ANK3: variants seen among roughly 807,000 people sequenced by gnomAD.
ANK3 encodes ankyrin 3.
ANK3 carries 57 observed loss-of-function variants against 370.9 expected under a neutral mutation model. The observed-to-expected ratio is 0.15, with a 90% CI of 0.12 to 0.19. The LOEUF (loss-of-function observed/expected upper bound fraction) is 0.19. Among genes scored for constraint, ANK3 ranks in the 10% least tolerant of loss-of-function variants. ANK3 has a pLI of 1.00. For synonymous variants in ANK3, 1,929 were observed against 1,946.3 expected (o/e 0.99, Z 0.23); for missense variants, 4,439 against 5,302.1 (o/e 0.84, Z 5.06).
chr10:60,709,021 G>A (rs996602572), intron 1 of ANK3, among the ~76,000 whole-genome samples: 27 of 151,978 alleles, frequency 1.8e-4, no homozygotes, highest in African/African-American at 6.5e-4. Context: ...CACAATAAAG[G>A]CCTATTGATT....
chr10:60,371,870 A>G (rs1259271489), intron 1 of ANK3, among the ~76,000 whole-genome samples: 2 of 152,182 alleles, frequency 1.3e-5, no homozygotes, highest in Non-Finnish European at 2.9e-5. Context: ...GAGAAAAGAA[A>G]GCAGAAACAT....
intron 2 of ANK3, among the ~76,000 whole-genome samples, chr10:60,592,621 A>T (rs941168347): frequency 1.3e-5 from 2 of 152,116 alleles, no homozygotes; most frequent in Non-Finnish European, 2.9e-5. Context: ...TAAACTAGCC[A>T]GGCTTGGTGG....
intron 2 of ANK3, among the ~76,000 whole-genome samples, chr10:60,483,130 T>A (rs1159195828): frequency 6.6e-6 from 1 of 152,122 alleles, no homozygotes; most frequent in African/African-American, 2.4e-5. Context: ...ATTAATGAAG[T>A]TATGTATCTT....
rs569753311 is a variant in ANK3 at position 60,336,127 on chromosome 10, T to C, written c.114+53298A>G. On this transcript the variant is annotated intron_variant, in intron 1 of 43. Transcript: ENST00000280772. ...GCTGGTGCCAAGGAGCAGGCAAAAG[T>C]CACATTGGGGCAGGTTGGGGAGTCG... Among the ~76,000 whole-genome samples, 19 of 151,682 alleles carry C rather than the reference T, an allele frequency of 1.3e-4. No individual in the cohort carries two copies. The Middle Eastern group carries it at 0.017, about 136-fold the overall frequency.
intron 2 of ANK3, among the ~76,000 whole-genome samples, chr10:60,553,688 G>A (rs912557138): frequency 6.6e-6 from 1 of 151,938 alleles, no homozygotes; most frequent in Non-Finnish European, 1.5e-5. Flanking sequence ...AGGAGGTGCA[G>A]GTGAAAACTG....
chr10:60,413,214 G>T (rs560419498), intron 2 of ANK3, among the ~76,000 whole-genome samples: 43 of 152,268 alleles, frequency 2.8e-4, no homozygotes, highest in African/African-American at 1.0e-3. Flanking sequence ...TTTACTAAAG[G>T]CAATATTAAG....
chr10:60,439,753 C>T (rs879929523), intron 2 of ANK3, among the ~76,000 whole-genome samples: 12 of 152,286 alleles, frequency 7.9e-5, no homozygotes, highest in Non-Finnish European at 1.6e-4. Flanking sequence ...GACATTTCAC[C>T]TCTCTGGGCT....
At chr10:60,689,110 G>A (rs1303856242) in intron 1 of ANK3, among the ~76,000 whole-genome samples, 3 of 152,142 alleles carry the variant, frequency 2.0e-5, no homozygotes, top group African/African-American at 7.2e-5. Flanking sequence ...CTACATAGAG[G>A]TATATTTGGC....
chr10:60,684,487 A>G (rs574443414), intron 1 of ANK3: 1 of 1,395,012 alleles, frequency 7.2e-7, no homozygotes, highest in African/African-American at 1.4e-5. Context: ...AATTTGGGAC[A>G]TTTATTTGCA....
rs974353464 is a variant in ANK3 at position 60,194,108 on chromosome 10, G to A, written c.1887+2037C>T. Reference sequence around the variant, plus strand: ...TGCACTCCAGCCTGGGTGACAGAGCGAGACTCCGTCTCAAAAAAAAGAAAG... The same window carrying A: ...TGCACTCCAGCCTGGGTGACAGAGCAAGACTCCGTCTCAAAAAAAAGAAAG... On this transcript the variant is annotated intron_variant, in intron 16 of 43. Transcript: ENST00000280772. Among the ~76,000 whole-genome samples the A allele has an allele frequency of 5.3e-5, 8 of 152,060 alleles. 1 individual carries two copies. The highest frequency in any genetic ancestry group is 1.9e-4 in the East Asian group (1 of 5,182).
intron 1 of ANK3, among the ~76,000 whole-genome samples, chr10:60,343,082 C>T (rs1017626674): frequency 1.3e-5 from 2 of 152,174 alleles, no homozygotes; most frequent in African/African-American, 2.4e-5. Context: ...CAGGAGGACA[C>T]ATACTCGTGG....
chr10:60,411,141 G>C (rs1045975468), intron 2 of ANK3, among the ~76,000 whole-genome samples: 12 of 152,160 alleles, frequency 7.9e-5, no homozygotes, highest in African/African-American at 2.7e-4. Flanking sequence ...AGCCACATTG[G>C]ACTGTGACGT....
chr10:60,411,308 T>C (rs953904562), intron 2 of ANK3, among the ~76,000 whole-genome samples: 2 of 152,236 alleles, frequency 1.3e-5, no homozygotes, highest in African/African-American at 4.8e-5. Context: ...TACAACTGGT[T>C]AGCAATAACT....
At chr10:60,219,882 G>C (rs1268032813) in intron 8 of ANK3, among the ~76,000 whole-genome samples, 2 of 152,116 alleles carry the variant, frequency 1.3e-5, no homozygotes, top group African/African-American at 4.8e-5. Context: ...TAGTATTAAT[G>C]TTATTTAAAA....
chr10:60,398,223 G>C (rs2063282651), intron 2 of ANK3, among the ~76,000 whole-genome samples: 1 of 152,180 alleles, frequency 6.6e-6, no homozygotes. Context: ...TATACTCCTT[G>C]TTAATTTCTT....
rs192500719 is a variant in ANK3 at position 60,515,310 on chromosome 10, C to T, written c.96+99876G>A. Among the ~76,000 whole-genome samples, 584 of 152,190 alleles carry T rather than the reference C, an allele frequency of 3.8e-3. 6 individuals carry two copies. The highest frequency in any genetic ancestry group is 0.013 in the African/African-American group (549 of 41,548). On this transcript the variant is annotated intron_variant, in intron 2 of 43. Coordinates refer to the ANK3 transcript ENST00000373827. ...GGAAGCATTGACCATAAGCACTCCC[C>T]AGTGGTTCTAGCCCCTGCACATTCA...
At chr10:60,650,040 C>T (rs937085321) in intron 1 of ANK3, among the ~76,000 whole-genome samples, 2 of 152,192 alleles carry the variant, frequency 1.3e-5, no homozygotes, top group African/African-American at 4.8e-5. Context: ...AAATCTCCTG[C>T]CAATTCCCAC....
At chr10:60,206,086 T>G (rs1591718919) in intron 10 of ANK3, among the ~76,000 whole-genome samples, 196 bp from the exon 11 acceptor site, 1 of 152,330 alleles carries the variant, frequency 6.6e-6, no homozygotes, top group African/African-American at 2.4e-5. Context: ...CTGATAATTG[T>G]GAACAGGAAG....
intron 1 of ANK3, among the ~76,000 whole-genome samples, chr10:60,387,225 C>T (rs2062507165): frequency 6.6e-6 from 1 of 151,928 alleles, no homozygotes; most frequent in Non-Finnish European, 1.5e-5. Context: ...CCATAATAAC[C>T]CACAAAATAT....
Sources: gnomAD v4.1 joint callset for allele counts (sites outside exome capture counted in the v4.1 genomes callset) on GRCh38, gnomAD v4.1.1 for gene constraint, MANE v1.5 for transcripts, NCBI Gene and HGNC (gene_info 2026-07-23, HGNC 2026-07-21) for gene names.